ADGRL3: variants seen among roughly 807,000 people sequenced by gnomAD.
The protein encoded by ADGRL3 is adhesion G protein-coupled receptor L3.
ADGRL3 carries 62 observed loss-of-function variants against 153.5 expected under a neutral mutation model. The ratio of observed to expected loss-of-function variants is 0.40; its 90% CI spans 0.33 to 0.50. The LOEUF (loss-of-function observed/expected upper bound fraction) is 0.50, where lower values mean the gene tolerates loss of function less well. Among genes scored for constraint, ADGRL3 ranks in the 20% least tolerant of loss-of-function variants. The pLI is 0.47. For synonymous variants in ADGRL3, 710 were observed against 672.5 expected (o/e 1.06, Z -0.86); for missense variants, 1,641 against 1,859.4 (o/e 0.88, Z 2.16).
At chr4:62,033,930 T>A (rs1280195499) in intron 23 of ADGRL3, among the ~76,000 whole-genome samples, 1 of 151,810 alleles carries the variant, frequency 6.6e-6, no homozygotes, top group Non-Finnish European at 1.5e-5. Flanking sequence ...GAGTATTTTT[T>A]TATTAGCCAA....
intron 1 of ADGRL3, among the ~76,000 whole-genome samples, chr4:61,269,645 A>G (rs1177011897): frequency 6.6e-6 from 1 of 151,732 alleles, no homozygotes; most frequent in African/African-American, 2.4e-5. Context: ...GCTCTATTCA[A>G]GTAACAAAGT....
intron 23 of ADGRL3, among the ~76,000 whole-genome samples, chr4:62,033,287 C>T (rs141697898): frequency 1.3e-4 from 20 of 151,616 alleles, no homozygotes; most frequent in African/African-American, 4.3e-4. Context: ...AGGGTTCTAT[C>T]GATGGTACCA....
At chr4:61,462,395 C>T (rs1022535265) in intron 2 of ADGRL3, among the ~76,000 whole-genome samples, 54 of 152,068 alleles carry the variant, frequency 3.6e-4, no homozygotes, top group African/African-American at 1.2e-3. Flanking sequence ...CTTATTCTGG[C>T]AGGTAAGAAG....
intron 19 of ADGRL3, among the ~76,000 whole-genome samples, chr4:61,992,727 C>A (rs1298343554): frequency 6.6e-6 from 1 of 152,000 alleles, no homozygotes; most frequent in Non-Finnish European, 1.5e-5. Flanking sequence ...AATTTTTTCT[C>A]AAAGAATAAA....
intron 2 of ADGRL3, among the ~76,000 whole-genome samples, chr4:61,409,621 G>A (rs895691009): frequency 9.4e-4 from 142 of 151,126 alleles, no homozygotes; most frequent in African/African-American, 3.0e-3. Context: ...AAATGTTTTC[G>A]TTATAGACAA....
rs763243887 is a variant in ADGRL3, at chr4:61,901,650, A to G, written c.1887+5816A>G. Reference sequence around the variant, plus strand: ...AATGGTAGCTATGTACTTCAATGCTATGTGTAATTCCTTTATAAATTGTTT... The same window carrying G: ...AATGGTAGCTATGTACTTCAATGCTGTGTGTAATTCCTTTATAAATTGTTT... On this transcript the variant is annotated intron_variant, in intron 11 of 26. Coordinates refer to ENST00000683033, the MANE Select transcript of ADGRL3 (RefSeq NM_001387552.1). 9.2e-5 allele frequency among the ~76,000 whole-genome samples: 14 copies of G among 152,182 alleles called. No homozygotes were observed. In the East Asian group the frequency reaches 1.2e-3, roughly 13 times the overall value.
chr4:61,726,984 A>T (rs1014443734), intron 6 of ADGRL3, among the ~76,000 whole-genome samples: 1 of 152,160 alleles, frequency 6.6e-6, no homozygotes, highest in Admixed American at 6.6e-5. Context: ...TTGGCATGCA[A>T]CAAATTTATT....
chr4:62,050,663 C>G (rs1308275910), intron 25 of ADGRL3, among the ~76,000 whole-genome samples: 1 of 151,836 alleles, frequency 6.6e-6, no homozygotes, highest in Non-Finnish European at 1.5e-5. Flanking sequence ...TAAATTAAAG[C>G]TACTAGGGCA....
intron 4 of ADGRL3, among the ~76,000 whole-genome samples, chr4:61,574,762 T>A (rs1413435427): frequency 1.3e-5 from 2 of 151,868 alleles, no homozygotes; most frequent in African/African-American, 4.8e-5. Context: ...ATTGAAAGGA[T>A]TCTTTCATGA....
In ADGRL3 at chr4:61,497,396, T is replaced by C. The variant is rs146841463; in HGVS notation, c.55+48T>C. ...GTAATGCTTAATGTTGTCTCACTTA[T>C]TCATACTGGACACTTCCTTGGGATC... On this transcript the variant is annotated intron_variant, in intron 3 of 26. Transcript: ENST00000683033. The C allele has an allele frequency of 2.1e-4, 261 of 1,231,450 alleles. 2 individuals carry two copies. In the African/African-American group the frequency reaches 3.4e-3, roughly 16 times the overall value. The allele number at this position is 1,231,450 out of a possible 1,614,324, so 76.3% of individuals were successfully genotyped here.
At chr4:61,600,675 G>C (rs534858911) in intron 5 of ADGRL3, among the ~76,000 whole-genome samples, 1 of 152,102 alleles carries the variant, frequency 6.6e-6, no homozygotes, top group Non-Finnish European at 1.5e-5. Context: ...AGAGATCAAC[G>C]TTTTTACATG....
intron 5 of ADGRL3, among the ~76,000 whole-genome samples, chr4:61,642,414 G>A (rs905339872): frequency 6.6e-6 from 1 of 152,256 alleles, no homozygotes; most frequent in African/African-American, 2.4e-5. Context: ...GGTTTTTATG[G>A]TTTTAGGTCC....
intron 2 of ADGRL3, among the ~76,000 whole-genome samples, chr4:61,461,968 C>T (rs1256169133): frequency 6.6e-6 from 1 of 152,122 alleles, no homozygotes; most frequent in Non-Finnish European, 1.5e-5. Flanking sequence ...CAAACAAAAG[C>T]ACTGAAACAT....
At chr4:61,827,321 C>G (rs983095353) in intron 9 of ADGRL3, among the ~76,000 whole-genome samples, 3 of 152,152 alleles carry the variant, frequency 2.0e-5, no homozygotes, top group African/African-American at 7.2e-5. Flanking sequence ...ATCTGTTAAT[C>G]TATTGCCAAG....
chr4:61,626,570 C>G (rs2092843124), intron 5 of ADGRL3, among the ~76,000 whole-genome samples: 1 of 151,952 alleles, frequency 6.6e-6, no homozygotes. Context: ...ACTTTAAGCC[C>G]AAGGATATGT....
intron 1 of ADGRL3, among the ~76,000 whole-genome samples, chr4:61,283,358 C>A (rs1232121613): frequency 6.6e-6 from 1 of 152,052 alleles, no homozygotes; most frequent in Non-Finnish European, 1.5e-5. Flanking sequence ...AAATTGATCC[C>A]TAAGAACTGA....
intron 1 of ADGRL3, among the ~76,000 whole-genome samples, chr4:61,253,720 CAT>C (rs909320355): frequency 8.8e-5 from 13 of 147,220 alleles, no homozygotes; most frequent in Admixed American, 7.5e-4. Flanking sequence ...CACATATATA[CAT>C]ATATATATAG....
chr4:61,411,154 G>A lies in ADGRL3; in HGVS notation c.-174+27965G>A, dbSNP rs779462384. On this transcript the variant is annotated intron_variant, in intron 2 of 26. Transcript: ENST00000683033. ...CTGTCTATAAACCTATTCAGATTTT[G>A]TCAATTGTCCCAACAATGTCAGTTA... Among the ~76,000 whole-genome samples the A allele has an allele frequency of 1.5e-4, 23 of 152,120 alleles. 1 individual carries two copies. Among genetic ancestry groups the A allele is most frequent in the Non-Finnish European group, 2.9e-4 (20 of 68,030 alleles).
rs373942354 is a variant in ADGRL3 at position 61,273,507 on chromosome 4, C to T, written c.-240+71742C>T. Among the ~76,000 whole-genome samples, 12 of 152,230 alleles carry T rather than the reference C, an allele frequency of 7.9e-5. No individual in the cohort carries two copies. The East Asian group carries it at 1.9e-3, about 25-fold the overall frequency. On this transcript the variant is annotated intron_variant, in intron 1 of 26. Coordinates refer to ENST00000683033, the MANE Select transcript of ADGRL3 (RefSeq NM_001387552.1). ...GAAAAATATGCTTGCATGGAAAGGCCTTGTGGCGTATTTTGTGGCATTGAA... is the reference window on the plus strand; with the variant it reads ...GAAAAATATGCTTGCATGGAAAGGCTTTGTGGCGTATTTTGTGGCATTGAA...
Sources: gnomAD v4.1 joint callset for allele counts (sites outside exome capture counted in the v4.1 genomes callset) on GRCh38, gnomAD v4.1.1 for gene constraint, MANE v1.5 for transcripts, NCBI Gene and HGNC (gene_info 2026-07-23, HGNC 2026-07-21) for gene names.